The following ODF1 variants were observed in gnomAD, a reference collection of about 807,000 sequenced individuals.
ODF1 encodes the protein outer dense fiber of sperm tails 1.
ODF1 carries 10 observed loss-of-function variants against 24.0 expected under a neutral mutation model. The observed-to-expected ratio is 0.42, with a 90% confidence interval of 0.26 to 0.71. ODF1 has a LOEUF of 0.71. ODF1 is among the 30% of genes least tolerant of loss of function. The probability of loss-of-function intolerance (pLI) is 0.28; values close to 1 mark genes in which losing one functional copy is unlikely to be tolerated. For missense variants in ODF1, 282 were observed against 307.9 expected (o/e 0.92, Z 0.63); for synonymous variants, 118 against 121.3 (o/e 0.97, Z 0.18).
At chr8:102,556,564 C>T (rs941586623) in intron 1 of ODF1, among the ~76,000 whole-genome samples, 1 of 152,170 alleles carries the variant, frequency 6.6e-6, no homozygotes, top group Non-Finnish European at 1.5e-5. Context: ...TCTCCTGCCT[C>T]GGCCTCCTGA....
At chr8:102,556,760 A>G (rs1447935854) in intron 1 of ODF1, among the ~76,000 whole-genome samples, 1 of 152,168 alleles carries the variant, frequency 6.6e-6, no homozygotes, top group Non-Finnish European at 1.5e-5. Context: ...AGAGAAAAGG[A>G]GAAGAAAGGA....
chr8:102,557,754 T>G (rs1413960839), intron 1 of ODF1, among the ~76,000 whole-genome samples: 1 of 152,250 alleles, frequency 6.6e-6, no homozygotes, highest in Admixed American at 6.5e-5. Flanking sequence ...CTGGTGGGAT[T>G]TGATGTTTCT....
At chr8:102,556,284 C>T (rs1457514759) in intron 1 of ODF1, among the ~76,000 whole-genome samples, 2 of 152,118 alleles carry the variant, frequency 1.3e-5, no homozygotes, top group African/African-American at 2.4e-5. Context: ...CAGTGGTTCT[C>T]GTAGTGTGGC....
chr8:102,558,710 A>G (rs1458986297), intron 1 of ODF1, among the ~76,000 whole-genome samples: 1 of 147,534 alleles, frequency 6.8e-6, no homozygotes, highest in Admixed American at 6.7e-5. Flanking sequence ...TCATAAGAAC[A>G]CATACAAAAC....
At chr8:102,555,023 A>T (rs1320664221) in intron 1 of ODF1, among the ~76,000 whole-genome samples, 1 of 152,164 alleles carries the variant, frequency 6.6e-6, no homozygotes, top group Non-Finnish European at 1.5e-5. Context: ...CAGCTGCTTC[A>T]GAAGACACCA....
chr8:102,552,017 C>A lies in ODF1; in HGVS notation c.290C>A (p.Ala97Asp). Residue 97 changes from alanine to aspartate, a missense_variant, in exon 1 of 2, where the codon GCC becomes GAC. By Grantham distance (126) the Ala-to-Asp change is moderately radical. Coordinates refer to ENST00000285402, the MANE Select transcript of ODF1 (RefSeq NM_024410.4). ...AGTTTGGAGAGGAAAGCCATCAGAG[C>A]CATAGAAGATGAGAAGCGAGAGCTT... Reference protein sequence around the residue: ...LRSLERKAIRAIEDEKRELAK... With the variant: ...LRSLERKAIRDIEDEKRELAK... The A allele has an allele frequency of 6.3e-7, 1 of 1,599,138 alleles. No homozygotes were observed. Among genetic ancestry groups the A allele is most frequent in the South Asian group, 1.1e-5 (1 of 89,796 alleles).
chr8:102,560,492 TGTA>T lies in ODF1; in HGVS notation c.363_365del (p.Ser123del). ...AAATAGAATTCTGGCTTCCTCCTGC[TGTA>T]GCAGTAACATTTTAGGATCGGTGAA... is the stretch of plus-strand genomic sequence containing the variant. On this transcript the variant is annotated inframe_deletion, in exon 2 of 2. Coordinates refer to ENST00000285402, the MANE Select transcript of ODF1 (RefSeq NM_024410.4). 6.2e-7 allele frequency: 1 copy of T among 1,614,248 alleles called. No homozygotes were observed. Among genetic ancestry groups the T allele is most frequent in the Non-Finnish European group, 8.5e-7 (1 of 1,180,040 alleles).
Position 102,560,505 on chromosome 8 carries a change from T to G in ODF1, c.374T>G (p.Ile125Ser). 6.2e-7 allele frequency: 1 copy of G among 1,614,130 alleles called. No individual in the cohort carries two copies. Among genetic ancestry groups the G allele is most frequent in the Non-Finnish European group, 8.5e-7 (1 of 1,179,962 alleles). The change falls in exon 2 of 2, where the codon ATT becomes AGT. Residue 125 changes from isoleucine to serine, a missense_variant. Transcript: ENST00000285402. ...GCTTCCTCCTGCTGTAGCAGTAACATTTTAGGATCGGTGAATGTATGCGGT... is the reference window on the plus strand; with the variant it reads ...GCTTCCTCCTGCTGTAGCAGTAACAGTTTAGGATCGGTGAATGTATGCGGT... ...ILASSCCSSNILGSVNVCGFE... is the reference protein window; with the variant it reads ...ILASSCCSSNSLGSVNVCGFE...
intron 1 of ODF1, among the ~76,000 whole-genome samples, chr8:102,555,134 T>C (rs1254422704): frequency 6.6e-6 from 1 of 152,266 alleles, no homozygotes; most frequent in African/African-American, 2.4e-5. Flanking sequence ...GCAGTGTCCC[T>C]GTCTCTTCCT....
At position 102,560,862 on chromosome 8, in the gene ODF1, C is replaced by T; in HGVS notation, c.731C>T (p.Ser244Phe). ...TGTTATCCCTGTGGAAGCCGATTTT[C>T]CTGTAGGAAGATGATTTTGTAAAGT... ...NPCYPCGSRF[S>F]CRKMIL is the part of the protein sequence containing the mutation. The change falls in exon 2 of 2, where the codon TCC becomes TTC. Residue 244 changes from serine (S) to phenylalanine (F), a missense_variant. Ser to Phe is a radical substitution (Grantham distance 155). Coordinates refer to ENST00000285402, the MANE Select transcript of ODF1 (RefSeq NM_024410.4). 5 of 1,611,634 alleles carry T rather than the reference C, an allele frequency of 3.1e-6. No homozygotes were observed. The highest frequency in any genetic ancestry group is 3.4e-6 in the Non-Finnish European group (4 of 1,178,510).
In ODF1 at chr8:102,552,020, T is replaced by C. The variant is rs745818448; in HGVS notation, c.293T>C (p.Ile98Thr). The change falls in exon 1 of 2, where the codon ATA becomes ACA. Residue 98 changes from isoleucine to threonine, a missense_variant. Physicochemically the swap from Ile to Thr is moderately conservative, Grantham distance 89 (BLOSUM62 -1). Transcript: ENST00000285402. ...TTGGAGAGGAAAGCCATCAGAGCCA[T>C]AGAAGATGAGAAGCGAGAGCTTGCC... ...RSLERKAIRAIEDEKRELAKL... is the reference protein window; with the variant it reads ...RSLERKAIRATEDEKRELAKL... 8 of 1,598,772 alleles carry C rather than the reference T, an allele frequency of 5.0e-6. No individual in the cohort carries two copies. The highest frequency in any genetic ancestry group is 6.8e-6 in the Non-Finnish European group (8 of 1,168,736).
rs139045191 is a variant in ODF1 at position 102,560,753 on chromosome 8, C to T, written c.622C>T (p.Pro208Ser). 5.6e-5 allele frequency: 85 copies of T among 1,513,934 alleles called. No individual in the cohort carries two copies. Among genetic ancestry groups the T allele is most frequent in the Non-Finnish European group, 7.5e-5 (83 of 1,104,224 alleles). The allele number at this position is 1,513,934 out of a possible 1,614,324, so 93.8% of individuals were successfully genotyped here. A position where few individuals can be genotyped will look rare whatever the true frequency, so the allele number is the denominator to read the frequency against. Residue 208 changes from proline (P) to serine (S), a missense_variant, in exon 2 of 2, where the codon CCT becomes TCT. Physicochemically the swap from Pro to Ser is moderately conservative, Grantham distance 74. Coordinates refer to ENST00000285402, the MANE Select transcript of ODF1 (RefSeq NM_024410.4). The part of the protein sequence containing the change: ...IESPCYPCTS[P>S]CSPCSPCSPC... ...GTCTCCTTGCTACCCTTGCACTTCT[C>T]CTTGCAGCCCCTGCAGCCCCTGCAG...
At position 102,560,584 on chromosome 8, in the gene ODF1, G is replaced by A. The variant is rs777547305; in HGVS notation, c.453G>A (p.Ser151=). ...VRVKDGKVCV[S]AERENRYDCL... is the part of the protein sequence containing the mutation. ...TGAAGGATGGAAAGGTATGTGTGTC[G>A]GCTGAGCGGGAGAACAGGTACGACT... Residue 151 remains serine (S), a synonymous_variant, in exon 2 of 2, where the codon TCG becomes TCA. Transcript: ENST00000285402. 18 of 1,614,096 alleles carry A rather than the reference G, an allele frequency of 1.1e-5. No individual in the cohort carries two copies. The highest frequency in any genetic ancestry group is 5.0e-5 in the Admixed American group (3 of 60,006).
At chr8:102,555,532 A>T (rs1826101727) in intron 1 of ODF1, among the ~76,000 whole-genome samples, 1 of 152,108 alleles carries the variant, frequency 6.6e-6, no homozygotes, top group South Asian at 2.1e-4. Context: ...CACTCTCAAA[A>T]CTTCAAAAAT....
chr8:102,557,857 G>T (rs929795987), intron 1 of ODF1, among the ~76,000 whole-genome samples: 2 of 152,248 alleles, frequency 1.3e-5, no homozygotes, highest in African/African-American at 4.8e-5. Flanking sequence ...CCCAGAGAGT[G>T]CCCATCTTGC....
intron 1 of ODF1, among the ~76,000 whole-genome samples, chr8:102,557,436 G>A (rs1461169606): frequency 5.3e-5 from 8 of 152,174 alleles, no homozygotes; most frequent in African/African-American, 1.9e-4. Context: ...AAGACTTTTT[G>A]GGCAACTTCC....
chr8:102,552,135 A>G (rs1475861491), intron 1 of ODF1, 88 bp downstream of exon 1: 6 of 937,188 alleles, frequency 6.4e-6, no homozygotes, highest in Non-Finnish European at 9.4e-6. Context: ...TCAATAGTTG[A>G]ACAAAGATTA....
chr8:102,560,560 G>C lies in ODF1; in HGVS notation c.429G>C (p.Val143=). Residue 143 remains valine, a synonymous_variant, in exon 2 of 2, where the codon GTG becomes GTC. Coordinates refer to ENST00000285402, the MANE Select transcript of ODF1 (RefSeq NM_024410.4). Reference sequence around the variant, plus strand: ...AACCCGATCAAGTCAAAGTTCGAGTGAAGGATGGAAAGGTATGTGTGTCGG... The same window carrying C: ...AACCCGATCAAGTCAAAGTTCGAGTCAAGGATGGAAAGGTATGTGTGTCGG... ...GFEPDQVKVR[V]KDGKVCVSAE... 1 of 1,614,230 alleles carries C rather than the reference G, an allele frequency of 6.2e-7. No homozygotes were observed. Among genetic ancestry groups the C allele is most frequent in the Non-Finnish European group, 8.5e-7 (1 of 1,180,056 alleles).
intron 1 of ODF1, among the ~76,000 whole-genome samples, chr8:102,554,265 G>A (rs983234198): frequency 7.2e-5 from 11 of 152,200 alleles, no homozygotes; most frequent in African/African-American, 2.7e-4. Flanking sequence ...GAAATATCAT[G>A]TTGATTCAAT....
Sources: gnomAD v4.1 joint callset for allele counts (sites outside exome capture counted in the v4.1 genomes callset) on GRCh38, gnomAD v4.1.1 for gene constraint, MANE v1.5 for transcripts, NCBI Gene and HGNC (gene_info 2026-07-23, HGNC 2026-07-21) for gene names.